Variants in BCKDHB observed in about 807,000 individuals in gnomAD.
BCKDHB encodes branched chain keto acid dehydrogenase E1 subunit beta, also known as 2-oxoisovalerate dehydrogenase subunit beta, mitochondrial.
In BCKDHB, 41 loss-of-function variants were observed where a neutral mutation model predicts 48.5. The ratio of observed to expected loss-of-function variants is 0.85; its 90% confidence interval spans 0.66 to 1.10. The LOEUF is 1.10. Ranked by LOEUF, BCKDHB falls within the 50% of genes least tolerant of loss-of-function variation. The pLI, the probability that BCKDHB is intolerant of heterozygous loss-of-function variation, is 0.00. For synonymous variants in BCKDHB, 201 were observed against 174.8 expected (o/e 1.15, Z -1.18); for missense variants, 496 against 494.2 (o/e 1.00, Z -0.03).
chr6:80,240,162 G>T (rs1402879739), intron 8 of BCKDHB, among the ~76,000 whole-genome samples: 1 of 152,150 alleles, frequency 6.6e-6, no homozygotes, highest in Non-Finnish European at 1.5e-5. Context: ...CAGCTTGATG[G>T]GGATGGCATT....
intron 8 of BCKDHB, among the ~76,000 whole-genome samples, chr6:80,262,599 T>G (rs1212820284): frequency 1.3e-5 from 2 of 152,216 alleles, no homozygotes; most frequent in African/African-American, 4.8e-5. Context: ...TGTCAGAATT[T>G]AAATTTAAAT....
chr6:80,273,396 TTC>T (rs777127306), intron 9 of BCKDHB, among the ~76,000 whole-genome samples, 175 bp downstream of exon 9: 1 of 152,016 alleles, frequency 6.6e-6, no homozygotes, highest in Non-Finnish European at 1.5e-5. Context: ...TGACCACACT[TTC>T]TGTTTGTTAG....
intron 9 of BCKDHB, among the ~76,000 whole-genome samples, chr6:80,336,272 A>G (rs1339965731): frequency 6.6e-6 from 1 of 151,860 alleles, no homozygotes; most frequent in Non-Finnish European, 1.5e-5. Flanking sequence ...GTTGAATTTG[A>G]ACTACTAATT....
the BCKDHB span, among the ~76,000 whole-genome samples, chr6:80,446,182 A>C: frequency 6.6e-6 from 1 of 152,252 alleles, no homozygotes; most frequent in Non-Finnish European, 1.5e-5. Context: ...GTGATTGTCA[A>C]ATCCAGTGTA....
intron 8 of BCKDHB, among the ~76,000 whole-genome samples, chr6:80,241,030 C>T (rs1203089053): frequency 6.6e-6 from 1 of 152,140 alleles, no homozygotes; most frequent in Non-Finnish European, 1.5e-5. Context: ...CCTTCTTCCA[C>T]TTGATCGAAT....
At chr6:80,346,722 A>G (rs752024705), downstream of BCKDHB, among the ~76,000 whole-genome samples, 10 of 152,256 alleles carry the variant, frequency 6.6e-5, no homozygotes, top group Admixed American at 6.5e-5. Context: ...TAGCAACAAC[A>G]GATGACTCTG....
At chr6:80,269,917 T>C (rs1469068577) in intron 8 of BCKDHB, among the ~76,000 whole-genome samples, 1 of 152,100 alleles carries the variant, frequency 6.6e-6, no homozygotes, top group Non-Finnish European at 1.5e-5. Context: ...GACAGTTACA[T>C]ATTATTTTGC....
At chr6:80,329,752 T>C (rs1483312522) in intron 9 of BCKDHB, among the ~76,000 whole-genome samples, 1 of 152,122 alleles carries the variant, frequency 6.6e-6, no homozygotes, top group Non-Finnish European at 1.5e-5. Flanking sequence ...TCTTTGCAGA[T>C]CTGGTTTCTC....
Position 80,335,709 on chromosome 6 carries a change from A to T in BCKDHB, c.1039-7955A>T, listed in dbSNP as rs575274597. Among the ~76,000 whole-genome samples, 12 of 152,152 alleles carry T rather than the reference A, an allele frequency of 7.9e-5. No individual in the cohort carries two copies. In the South Asian group the frequency reaches 2.5e-3, roughly 32 times the overall value. On this transcript the variant is annotated intron_variant, in intron 9 of 9. Coordinates refer to ENST00000320393, the MANE Select transcript of BCKDHB (RefSeq NM_183050.4). ...AATAAACAGAATGTTTTGCAGAGAG[A>T]TTTAGTGAAGAAAATTTTTTTTTGC...
chr6:80,449,920 A>G, the BCKDHB span, among the ~76,000 whole-genome samples: 1 of 152,122 alleles, frequency 6.6e-6, no homozygotes, highest in Admixed American at 6.6e-5. Flanking sequence ...TCCAATAGGA[A>G]GTTGCTGCCA....
At chr6:80,138,492 G>C (rs1427032025) in intron 3 of BCKDHB, among the ~76,000 whole-genome samples, 4 of 151,724 alleles carry the variant, frequency 2.6e-5, no homozygotes, top group Non-Finnish European at 1.5e-5. Context: ...CCCGTCCTGT[G>C]TCCATGTGTT....
At chr6:80,274,566 G>A (rs1320425050) in intron 9 of BCKDHB, among the ~76,000 whole-genome samples, 1 of 151,900 alleles carries the variant, frequency 6.6e-6, no homozygotes, top group Non-Finnish European at 1.5e-5. Flanking sequence ...CCATTTGAAA[G>A]GATAGTGACT....
rs367811455 is a variant in BCKDHB, at chr6:80,333,909, A to G, written c.1039-9755A>G. Among the ~76,000 whole-genome samples, 8 of 152,274 alleles carry G rather than the reference A, an allele frequency of 5.3e-5. No homozygotes were observed. In the East Asian group the frequency reaches 5.8e-4, roughly 11 times the overall value. On this transcript the variant is annotated intron_variant, in intron 9 of 9. Coordinates refer to ENST00000320393, the MANE Select transcript of BCKDHB (RefSeq NM_183050.4). ...TAACTACCTCTTCATTAATGGATCA[A>G]TGGTTTTATCAGATTTATTAGAAAT...
chr6:80,122,838 T>C (rs1173256042), intron 1 of BCKDHB, among the ~76,000 whole-genome samples: 3 of 152,208 alleles, frequency 2.0e-5, no homozygotes, highest in East Asian at 3.9e-4. Flanking sequence ...ACCACAAATT[T>C]ACCAGCTTGG....
chr6:80,443,495 G>A, the BCKDHB span: 2 of 152,170 alleles, frequency 1.3e-5, no homozygotes, highest in African/African-American at 4.8e-5. Context: ...AGGACATGAA[G>A]TGAAAAGCGG....
At chr6:80,454,551 T>G in the BCKDHB span, among the ~76,000 whole-genome samples, 1 of 152,214 alleles carries the variant, frequency 6.6e-6, no homozygotes, top group African/African-American at 2.4e-5. Flanking sequence ...GTGGAGGTAA[T>G]GAGCTGAGTC....
intron 8 of BCKDHB, among the ~76,000 whole-genome samples, chr6:80,227,497 C>T (rs767362993): frequency 1.3e-5 from 2 of 152,160 alleles, no homozygotes; most frequent in Non-Finnish European, 2.9e-5. Flanking sequence ...GAATTATGCT[C>T]ACTCTGAAAA....
chr6:80,348,758 CA>C (rs1409661334), downstream of BCKDHB, among the ~76,000 whole-genome samples: 1 of 152,174 alleles, frequency 6.6e-6, no homozygotes, highest in East Asian at 1.9e-4. Context: ...AACATGACCC[CA>C]AAAAAGTCAC....
the BCKDHB span, among the ~76,000 whole-genome samples, chr6:80,419,167 G>A: frequency 2.6e-5 from 4 of 152,176 alleles, no homozygotes; most frequent in East Asian, 1.9e-4. Context: ...GGCAAGGAAA[G>A]CAAAACCCAC....
Sources: allele counts gnomAD v4.1 joint callset (sites outside exome capture counted in the v4.1 genomes callset), GRCh38; gene constraint gnomAD v4.1.1; transcripts MANE v1.5; gene names NCBI Gene and HGNC (gene_info 2026-07-23, HGNC 2026-07-21).